CD226: variants seen among roughly 807,000 people sequenced by gnomAD.
The protein encoded by CD226 is CD226 molecule, also known as CD226 antigen.
CD226 carries 24 observed loss-of-function variants against 34.9 expected under a neutral mutation model. That is an observed-to-expected ratio of 0.69 (90% confidence interval 0.50 to 0.97). The LOEUF is 0.97. CD226 is among the 50% of genes least tolerant of loss of function. The pLI, the probability that CD226 is intolerant of heterozygous loss-of-function variation, is 0.00. For missense variants in CD226, 397 were observed against 412.7 expected (o/e 0.96, Z 0.33); for synonymous variants, 148 against 147.4 (o/e 1.00, Z -0.03).
intron 2 of CD226, among the ~76,000 whole-genome samples, chr18:69,900,649 G>A (rs955314988): frequency 2.7e-5 from 4 of 148,436 alleles, no homozygotes; most frequent in African/African-American, 7.5e-5. Flanking sequence ...GGAGAATGGC[G>A]TGAACCCGGG....
intron 4 of CD226, among the ~76,000 whole-genome samples, chr18:69,868,784 C>T (rs75040145): frequency 0.014 from 2,076 of 144,552 alleles, 28 homozygotes; most frequent in Non-Finnish European, 0.022. Flanking sequence ...CATGCACATG[C>T]GCACACGTGC....
At chr18:69,865,838 G>A (rs1788230) in intron 5 of CD226, among the ~76,000 whole-genome samples, 129,180 of 152,210 alleles carry the variant, frequency 0.85, 55,841 homozygotes, top group East Asian at 0.97. Flanking sequence ...ATTCCACTGC[G>A]AATAGTTAAA....
intron 3 of CD226, among the ~76,000 whole-genome samples, chr18:69,883,162 T>C (rs550614525): frequency 1.3e-5 from 2 of 152,320 alleles, no homozygotes; most frequent in Admixed American, 6.5e-5. Context: ...TGGATAAGCA[T>C]AGCAGTGAGA....
intron 2 of CD226, among the ~76,000 whole-genome samples, chr18:69,945,061 G>A (rs970309759): frequency 6.6e-6 from 1 of 152,190 alleles, no homozygotes; most frequent in South Asian, 2.1e-4. Flanking sequence ...TATGTCAGAT[G>A]TCATAAAATG....
intron 3 of CD226, among the ~76,000 whole-genome samples, chr18:69,883,897 T>C (rs1362679234): frequency 3.9e-5 from 6 of 152,224 alleles, no homozygotes; most frequent in Non-Finnish European, 8.8e-5. Context: ...TTTCAGCCTG[T>C]ACCCACGTCA....
At chr18:69,945,539 G>C (rs2055778722) in intron 2 of CD226, among the ~76,000 whole-genome samples, 3 of 152,144 alleles carry the variant, frequency 2.0e-5, no homozygotes, top group Admixed American at 2.0e-4. Flanking sequence ...GTCCTCTCTA[G>C]CTAAACCTGG....
chr18:69,865,195 G>A (rs1209647730), intron 5 of CD226, among the ~76,000 whole-genome samples: 1 of 152,048 alleles, frequency 6.6e-6, no homozygotes, highest in East Asian at 1.9e-4. Flanking sequence ...TCGCCATGTT[G>A]GCCAGGCTGG....
At chr18:69,944,754 C>T (rs928542852) in intron 2 of CD226, among the ~76,000 whole-genome samples, 3 of 152,198 alleles carry the variant, frequency 2.0e-5, no homozygotes, top group Non-Finnish European at 4.4e-5. Context: ...TAGCAAACTA[C>T]ACAGTAAAAA....
intron 3 of CD226, among the ~76,000 whole-genome samples, chr18:69,884,677 C>G (rs1194151378): frequency 6.6e-6 from 1 of 152,168 alleles, no homozygotes; most frequent in Admixed American, 6.5e-5. Flanking sequence ...AAAAGTACCT[C>G]CTGTCATAAA....
intron 2 of CD226, among the ~76,000 whole-genome samples, chr18:69,907,021 C>G (rs2055262776): frequency 6.6e-6 from 1 of 152,142 alleles, no homozygotes; most frequent in Non-Finnish European, 1.5e-5. Flanking sequence ...GATCAAGGGA[C>G]CCTGATCCAG....
intron 2 of CD226, among the ~76,000 whole-genome samples, chr18:69,923,614 C>A (rs1047291430): frequency 2.6e-5 from 4 of 152,128 alleles, no homozygotes; most frequent in Admixed American, 2.0e-4. Context: ...AAAGTGACAA[C>A]CTCGATAGAA....
At chr18:69,867,938 G>C (rs1983252098) in intron 4 of CD226, among the ~76,000 whole-genome samples, 1 of 152,198 alleles carries the variant, frequency 6.6e-6, no homozygotes, top group Admixed American at 6.5e-5. Context: ...TGAAGAGGAA[G>C]AGTAACTTGT....
At chr18:69,924,269 A>T (rs550413004) in intron 2 of CD226, among the ~76,000 whole-genome samples, 1 of 152,180 alleles carries the variant, frequency 6.6e-6, no homozygotes, top group Non-Finnish European at 1.5e-5. Context: ...GACACACTAC[A>T]TTTGTACTAC....
Position 69,871,929 on chromosome 18 carries a change from G to A in CD226, c.830+1215C>T, listed in dbSNP as rs542448228. 3.2e-4 allele frequency among the ~76,000 whole-genome samples: 49 copies of A among 152,294 alleles called. 3 individuals carry two copies. The highest frequency in any genetic ancestry group is 1.1e-3 in the African/African-American group (47 of 41,570). ...AGGGAAACTGGATGGGTTAGAGAAA[G>A]AGGCTACAGCTGAGAGCAGGCTGGA... On this transcript the variant is annotated intron_variant, in intron 4 of 5. Coordinates refer to ENST00000582621, the MANE Select transcript of CD226 (RefSeq NM_001303618.2).
rs2145169138 is a variant in CD226 at position 69,863,476 on chromosome 18, C to A, written c.*838G>T. 1.3e-5 allele frequency: 2 copies of A among 152,210 alleles called. No individual in the cohort carries two copies. Among genetic ancestry groups the A allele is most frequent in the Middle Eastern group, 6.8e-3 (2 of 294 alleles). 9.4% of individuals were successfully genotyped at this position (152,210 alleles called of 1,614,324 possible). A position where few individuals can be genotyped will look rare whatever the true frequency, so the allele number is the denominator to read the frequency against. On this transcript the variant is annotated 3_prime_UTR_variant, in exon 6 of 6. Coordinates refer to ENST00000582621, the MANE Select transcript of CD226 (RefSeq NM_001303618.2). ...AAATATGAGAATAGTAAAGGATTGC[C>A]CTCTCGCATTTATCTTCCTCTTGAA...
At chr18:69,897,777 T>C (rs1985384770) in intron 2 of CD226, among the ~76,000 whole-genome samples, 1 of 152,218 alleles carries the variant, frequency 6.6e-6, no homozygotes, top group South Asian at 2.1e-4. Flanking sequence ...TAAAGTGCAG[T>C]AAGATTTGCC....
chr18:69,872,365 G>T (rs1033307258), intron 4 of CD226, among the ~76,000 whole-genome samples: 1 of 152,050 alleles, frequency 6.6e-6, no homozygotes, highest in African/African-American at 2.4e-5. Context: ...ACTCAGCCAA[G>T]AATATCCTAG....
chr18:69,878,532 G>T (rs1251146050), intron 3 of CD226, among the ~76,000 whole-genome samples: 1 of 151,960 alleles, frequency 6.6e-6, no homozygotes, highest in African/African-American at 2.4e-5. Context: ...CTCTATTAGG[G>T]TGGGGGTGGA....
intron 2 of CD226, among the ~76,000 whole-genome samples, chr18:69,936,728 C>T (rs1269750804): frequency 6.6e-6 from 1 of 152,142 alleles, no homozygotes; most frequent in African/African-American, 2.4e-5. Flanking sequence ...GCTTCATTCT[C>T]TAATCAGTTG....
Sources: gnomAD v4.1 joint callset for allele counts (sites outside exome capture counted in the v4.1 genomes callset) on GRCh38, gnomAD v4.1.1 for gene constraint, MANE v1.5 for transcripts, NCBI Gene and HGNC (gene_info 2026-07-23, HGNC 2026-07-21) for gene names.